The following CNTNAP2 variants were observed in gnomAD, a reference collection of about 807,000 sequenced individuals.
CNTNAP2 encodes contactin-associated protein-like 2.
CNTNAP2 carries 98 observed loss-of-function variants against 155.2 expected under a neutral mutation model. The ratio of observed to expected loss-of-function variants is 0.63; its 90% confidence interval spans 0.54 to 0.75. The LOEUF (loss-of-function observed/expected upper bound fraction) is 0.75, where lower values mean the gene tolerates loss of function less well. Among genes scored for constraint, CNTNAP2 ranks in the 30% least tolerant of loss-of-function variants. The probability of loss-of-function intolerance (pLI) is 0.00; values close to 1 mark genes in which losing one functional copy is unlikely to be tolerated. For missense variants in CNTNAP2, 1,727 were observed against 1,688.1 expected (o/e 1.02, Z -0.40); for synonymous variants, 651 against 631.2 (o/e 1.03, Z -0.47).
At chr7:147,705,428 T>C (rs1205101775) in intron 13 of CNTNAP2, among the ~76,000 whole-genome samples, 3 of 152,186 alleles carry the variant, frequency 2.0e-5, no homozygotes, top group African/African-American at 7.2e-5. Flanking sequence ...GATATAATTT[T>C]GATTTTTAAA....
chr7:148,145,729 A>C (rs944674190), intron 16 of CNTNAP2, among the ~76,000 whole-genome samples: 11 of 152,190 alleles, frequency 7.2e-5, no homozygotes, highest in Non-Finnish European at 1.3e-4. Context: ...AAGATCACAC[A>C]GCCTGTGGGT....
intron 12 of CNTNAP2, among the ~76,000 whole-genome samples, chr7:147,627,907 A>G (rs1403796438): frequency 6.7e-6 from 1 of 150,344 alleles, no homozygotes; most frequent in East Asian, 1.9e-4. Context: ...CAAGGCTTTC[A>G]AATTAAGCCA....
chr7:146,269,368 A>C (rs1250720978), intron 1 of CNTNAP2, among the ~76,000 whole-genome samples: 19 of 151,568 alleles, frequency 1.3e-4, no homozygotes, highest in Admixed American at 1.2e-3. Flanking sequence ...TCAATCAATC[A>C]ATTAGGGTGT....
chr7:147,621,132 G>C (rs540809314), intron 12 of CNTNAP2, among the ~76,000 whole-genome samples: 6 of 152,224 alleles, frequency 3.9e-5, no homozygotes, highest in Admixed American at 3.3e-4. Context: ...TATATCTGGT[G>C]ATGATATCCT....
chr7:146,927,424 G>T (rs1049448048), intron 3 of CNTNAP2, among the ~76,000 whole-genome samples: 2 of 151,960 alleles, frequency 1.3e-5, no homozygotes, highest in Admixed American at 6.6e-5. Flanking sequence ...AGTTTCTCCA[G>T]AATTAGAAAT....
intron 2 of CNTNAP2, among the ~76,000 whole-genome samples, chr7:146,822,401 A>G (rs549417777): frequency 7.9e-5 from 12 of 151,964 alleles, no homozygotes; most frequent in South Asian, 2.1e-4. Flanking sequence ...CAGCACACCA[A>G]CATGGCACAT....
At chr7:146,232,405 T>G (rs1172422695) in intron 1 of CNTNAP2, among the ~76,000 whole-genome samples, 1 of 152,052 alleles carries the variant, frequency 6.6e-6, no homozygotes, top group Non-Finnish European at 1.5e-5. Context: ...AATTAAAAGC[T>G]GTATATTGCT....
At chr7:147,066,959 A>G (rs1186311188) in intron 4 of CNTNAP2, among the ~76,000 whole-genome samples, 3 of 152,296 alleles carry the variant, frequency 2.0e-5, no homozygotes, top group East Asian at 1.9e-4. Flanking sequence ...TTGTATCACC[A>G]TATAGCGAAG....
At chr7:147,705,228 A>G (rs1305868138) in intron 13 of CNTNAP2, among the ~76,000 whole-genome samples, 1 of 151,774 alleles carries the variant, frequency 6.6e-6, no homozygotes, top group Non-Finnish European at 1.5e-5. Flanking sequence ...TTTTGCTTCC[A>G]TAGTTTTGGT....
chr7:146,884,234 T>G (rs1292873495), intron 3 of CNTNAP2, among the ~76,000 whole-genome samples: 1 of 152,126 alleles, frequency 6.6e-6, no homozygotes, highest in Non-Finnish European at 1.5e-5. Flanking sequence ...AATACTGTAT[T>G]TTTGATCCCC....
intron 3 of CNTNAP2, among the ~76,000 whole-genome samples, chr7:147,032,140 AATT>A (rs554764331): frequency 7.9e-5 from 12 of 152,304 alleles, no homozygotes; most frequent in South Asian, 2.1e-4. Context: ...CTGTATTAAA[AATT>A]ATTATCATTC....
chr7:146,148,388 C>T (rs1159442833), intron 1 of CNTNAP2, among the ~76,000 whole-genome samples: 5 of 152,072 alleles, frequency 3.3e-5, no homozygotes, highest in Admixed American at 1.3e-4. Flanking sequence ...TTCAAAATGA[C>T]ACGATAGTCA....
intron 4 of CNTNAP2, among the ~76,000 whole-genome samples, chr7:147,046,674 T>C (rs531813318): frequency 6.6e-6 from 1 of 152,152 alleles, no homozygotes; most frequent in African/African-American, 2.4e-5. Flanking sequence ...TATATCAATT[T>C]AAAGTCTCCA....
At chr7:146,405,351 T>C (rs1443765926) in intron 1 of CNTNAP2, among the ~76,000 whole-genome samples, 1 of 152,234 alleles carries the variant, frequency 6.6e-6, no homozygotes, top group African/African-American at 2.4e-5. Flanking sequence ...CCATAAGGGC[T>C]AGAATCTTGC....
intron 3 of CNTNAP2, among the ~76,000 whole-genome samples, chr7:147,006,264 C>T (rs1052813211): frequency 1.1e-4 from 16 of 151,952 alleles, no homozygotes; most frequent in African/African-American, 3.9e-4. Flanking sequence ...GTATACTAAA[C>T]AAGGGTTGTT....
intron 8 of CNTNAP2, among the ~76,000 whole-genome samples, chr7:147,272,149 T>C (rs2116706585): frequency 6.6e-6 from 1 of 152,278 alleles, no homozygotes; most frequent in Middle Eastern, 3.4e-3. Context: ...TGCCTTGGCC[T>C]CCCAAAGTGC....
chr7:146,715,301 T>C (rs117236193), intron 1 of CNTNAP2, among the ~76,000 whole-genome samples: 2,877 of 152,216 alleles, frequency 0.019, 31 homozygotes, highest in Non-Finnish European at 0.03. Context: ...CATTGCGCTC[T>C]AGCCTGAGCA....
chr7:146,751,096 G>A (rs1801895323), intron 1 of CNTNAP2, among the ~76,000 whole-genome samples: 1 of 152,086 alleles, frequency 6.6e-6, no homozygotes, highest in South Asian at 2.1e-4. Flanking sequence ...ATGTGGCACT[G>A]TCTCAAAGAG....
chr7:147,792,195 T>C (rs1584957344), intron 13 of CNTNAP2, among the ~76,000 whole-genome samples: 2 of 152,226 alleles, frequency 1.3e-5, no homozygotes, highest in African/African-American at 4.8e-5. Flanking sequence ...TAATAACAAC[T>C]TTATGAAGAT....
Sources: allele counts gnomAD v4.1 joint callset (sites outside exome capture counted in the v4.1 genomes callset), GRCh38; gene constraint gnomAD v4.1.1; transcripts MANE v1.5; gene names NCBI Gene and HGNC (gene_info 2026-07-23, HGNC 2026-07-21).